The following CYTH3 variants were observed in gnomAD, a reference collection of about 807,000 sequenced individuals.
The protein encoded by CYTH3 is cytohesin-3.
CYTH3 carries 23 observed loss-of-function variants against 55.1 expected under a neutral mutation model. That is an observed-to-expected ratio of 0.42 (90% CI 0.30 to 0.59). The LOEUF (loss-of-function observed/expected upper bound fraction) is 0.59, where lower values mean the gene tolerates loss of function less well. Among genes scored for constraint, CYTH3 ranks in the 20% least tolerant of loss-of-function variants. The pLI is 0.20. For synonymous variants in CYTH3, 249 were observed against 194.9 expected, an observed-to-expected ratio of 1.28 and a Z score of -2.31; for missense variants, 413 against 524.8, an observed-to-expected ratio of 0.79 and a Z score of 2.08.
chr7:6,267,006 C>A (rs1780513618), intron 1 of CYTH3, among the ~76,000 whole-genome samples: 1 of 152,192 alleles, frequency 6.6e-6, no homozygotes, highest in Admixed American at 6.5e-5. Context: ...GAGGCAGATC[C>A]CTCATGGCTC....
chr7:6,193,285 T>G (rs1465821645), intron 1 of CYTH3, among the ~76,000 whole-genome samples: 1 of 139,606 alleles, frequency 7.2e-6, no homozygotes, highest in Non-Finnish European at 1.5e-5. Context: ...AAATACAAAT[T>G]AAAATCCCAA....
In CYTH3 at chr7:6,163,717, T is replaced by A. The variant is rs539087862; in HGVS notation, c.*1227A>T. 6.6e-6 allele frequency: 1 copy of A among 152,332 alleles called. No individual in the cohort carries two copies. Among genetic ancestry groups the A allele is most frequent in the Non-Finnish European group, 1.5e-5 (1 of 68,048 alleles). 9.4% of individuals were successfully genotyped at this position (152,332 alleles called of 1,614,324 possible). A position where few individuals can be genotyped will look rare whatever the true frequency, so the allele number is the denominator to read the frequency against. ...CGGGCCTCTGCACCCCAGGGCCTGTTCTTCCCTCCTCGTAGGGAGGGCACC... is the reference window on the plus strand; with the variant it reads ...CGGGCCTCTGCACCCCAGGGCCTGTACTTCCCTCCTCGTAGGGAGGGCACC... On this transcript the variant is annotated 3_prime_UTR_variant, in exon 13 of 13. Coordinates refer to ENST00000350796, the MANE Select transcript of CYTH3 (RefSeq NM_004227.4).
chr7:6,252,538 T>A (rs1779998962), intron 1 of CYTH3, among the ~76,000 whole-genome samples: 1 of 152,044 alleles, frequency 6.6e-6, no homozygotes, highest in South Asian at 2.1e-4. Context: ...AGGAGTGTCA[T>A]TTTTTTTCCC....
rs1780287177 is a variant in CYTH3, at chr7:6,259,803, ATAT to A, written c.34+12668_34+12670del. On this transcript the variant is annotated intron_variant, in intron 1 of 12. Transcript: ENST00000350796. ...ATATATAATATATATATATATATATATATATATATAATATATATATATATATAT... is the reference window on the plus strand; with the variant it reads ...ATATATAATATATATATATATATATAATATATAATATATATATATATATAT... 6.2e-4 allele frequency among the ~76,000 whole-genome samples: 15 copies of A among 24,260 alleles called. 1 individual carries two copies. Among genetic ancestry groups the A allele is most frequent in the African/African-American group, 3.5e-3 (9 of 2,566 alleles). The allele number at this position is 24,260 out of a possible 152,430, so 15.9% of individuals were successfully genotyped here.
chr7:6,220,595 A>AC (rs1407357079), intron 1 of CYTH3, among the ~76,000 whole-genome samples: 5 of 151,156 alleles, frequency 3.3e-5, no homozygotes, highest in African/African-American at 1.2e-4. Flanking sequence ...AAAAAAAAAA[A>AC]CCAAAGGCTG....
At chr7:6,193,863 A>C (rs1783859286) in intron 1 of CYTH3, among the ~76,000 whole-genome samples, 1 of 152,166 alleles carries the variant, frequency 6.6e-6, no homozygotes, top group South Asian at 2.1e-4. Flanking sequence ...AAACATACTC[A>C]TCACCAAGCC....
At chr7:6,215,224 C>T (rs1784400105) in intron 1 of CYTH3, among the ~76,000 whole-genome samples, 1 of 152,122 alleles carries the variant, frequency 6.6e-6, no homozygotes, top group African/African-American at 2.4e-5. Context: ...CTCTAGTGAC[C>T]CAAGAGCAGA....
intron 1 of CYTH3, among the ~76,000 whole-genome samples, chr7:6,269,120 C>T (rs560896150): frequency 6.6e-6 from 1 of 152,248 alleles, no homozygotes; most frequent in Admixed American, 6.5e-5. Flanking sequence ...CCAATCCCAG[C>T]CGGAAGCCAG....
Position 6,179,918 on chromosome 7 carries a change from AAAC to A in CYTH3, c.250-1980_250-1978del, listed in dbSNP as rs1162813491. Among the ~76,000 whole-genome samples, 819 of 145,906 alleles carry A rather than the reference AAAC, an allele frequency of 5.6e-3. 4 individuals are homozygous for A. The highest frequency in any genetic ancestry group is 0.02 in the African/African-American group (777 of 39,024). On this transcript the variant is annotated intron_variant, in intron 4 of 12. Transcript: ENST00000350796. ...CACCCACACACAACCACACACACACAAACCACACACACACACACACACACACAG... is the reference window on the plus strand; with the variant it reads ...CACCCACACACAACCACACACACACACACACACACACACACACACACACAG...
In CYTH3 at chr7:6,265,633, AAAG is replaced by A. The variant is rs1024109831; in HGVS notation, c.34+6838_34+6840del. ...GACTCCATTTCAAAAAAAAAAAAAA[AAAG>A]AAGAAGAAGAACTTGCAGCCCCTAA... is the stretch of plus-strand genomic sequence containing the variant. On this transcript the variant is annotated intron_variant, in intron 1 of 12. Coordinates refer to ENST00000350796, the MANE Select transcript of CYTH3 (RefSeq NM_004227.4). Among the ~76,000 whole-genome samples the A allele has an allele frequency of 5.6e-4, 84 of 149,642 alleles. 1 individual carries two copies. The East Asian group carries it at 5.8e-3, about 10-fold the overall frequency.
intron 1 of CYTH3, among the ~76,000 whole-genome samples, chr7:6,248,995 G>C (rs996843869): frequency 4.6e-5 from 7 of 152,276 alleles, no homozygotes; most frequent in Admixed American, 3.9e-4. Context: ...TTTGATGTCA[G>C]CTTTCTCTGT....
intron 1 of CYTH3, among the ~76,000 whole-genome samples, chr7:6,220,118 A>C (rs991221390): frequency 2.0e-5 from 3 of 151,864 alleles, no homozygotes; most frequent in Non-Finnish European, 4.4e-5. Context: ...TCTGGTCTCA[A>C]ACTCCTGACC....
At chr7:6,206,605 G>A (rs1014528856) in intron 1 of CYTH3, among the ~76,000 whole-genome samples, 6 of 152,124 alleles carry the variant, frequency 3.9e-5, no homozygotes, top group South Asian at 2.1e-4. Context: ...ACATTTGGGC[G>A]CTTTACTTAT....
intron 4 of CYTH3, among the ~76,000 whole-genome samples, chr7:6,185,185 C>A (rs1263891525): frequency 6.6e-6 from 1 of 152,184 alleles, no homozygotes; most frequent in Non-Finnish European, 1.5e-5. Flanking sequence ...TGATTTATGC[C>A]CCATAAGCAG....
intron 1 of CYTH3, among the ~76,000 whole-genome samples, chr7:6,204,792 C>T (rs1009679355): frequency 6.6e-6 from 1 of 152,148 alleles, no homozygotes; most frequent in Non-Finnish European, 1.5e-5. Context: ...TTTCCTGTAT[C>T]GAACTATAAC....
At chr7:6,178,322 C>T (rs1235073016) in intron 4 of CYTH3, among the ~76,000 whole-genome samples, 8 of 152,254 alleles carry the variant, frequency 5.3e-5, no homozygotes, top group Admixed American at 5.2e-4. Flanking sequence ...GCCGGTTGGC[C>T]AACCTGGCCC....
rs563074951 is a variant in CYTH3, at chr7:6,165,406, G to A, written c.994C>T (p.Pro332Ser). The A allele has an allele frequency of 1.1e-4, 184 of 1,613,944 alleles. No individual in the cohort carries two copies. The East Asian group carries it at 2.8e-3, about 25-fold the overall frequency. ...TTGATGACCTGCCCTTTGTGGCTGG[G>A]ATTGTAGAGCTCAAAACAGTTCTGG... ...RKPNCFELYN[P>S]SHKGQVIKAC... Residue 332 changes from proline to serine, a missense_variant, in exon 12 of 13, where the codon CCC becomes TCC. By Grantham distance (74) the Pro-to-Ser change is moderately conservative. Transcript: ENST00000350796.
At chr7:6,272,384 G>T in intron 1 of CYTH3, 90 bp downstream of exon 1, 2 of 1,174,638 alleles carry the variant, frequency 1.7e-6, no homozygotes, top group Non-Finnish European at 2.1e-6. Context: ...CTCCTCCGGC[G>T]AACCCCGGCC....
chr7:6,263,641 C>A (rs989105067), intron 1 of CYTH3, among the ~76,000 whole-genome samples: 1 of 151,828 alleles, frequency 6.6e-6, no homozygotes, highest in Non-Finnish European at 1.5e-5. Flanking sequence ...ACTAAAAATA[C>A]TAAAAATTTA....
Sources: allele counts gnomAD v4.1 joint callset (sites outside exome capture counted in the v4.1 genomes callset), GRCh38; gene constraint gnomAD v4.1.1; transcripts MANE v1.5; gene names NCBI Gene and HGNC (gene_info 2026-07-23, HGNC 2026-07-21).